HIP1: variants seen among roughly 807,000 people sequenced by gnomAD.
HIP1 encodes huntingtin-interacting protein 1.
A neutral mutation model predicts 147.6 loss-of-function variants in HIP1; 65 were observed. That is an observed-to-expected ratio of 0.44 (90% CI 0.36 to 0.54). HIP1 has a LOEUF of 0.54. Ranked by LOEUF, HIP1 falls within the 20% of genes least tolerant of loss-of-function variation. HIP1 has a pLI of 0.00. For synonymous variants in HIP1, 479 were observed against 504.0 expected (o/e 0.95, Z 0.67); for missense variants, 1,061 against 1,299.6 (o/e 0.82, Z 2.82).
chr7:75,556,313 C>CACACTGAT, intron 17 of HIP1, 144 bp from the exon 18 acceptor site: 1 of 1,048,348 alleles, frequency 9.5e-7, no homozygotes, highest in African/African-American at 1.6e-5. Flanking sequence ...CTCCCGGGGA[C>CACACTGAT]ACACTGATTG....
At chr7:75,597,580 A>G (rs1796793181) in intron 2 of HIP1, among the ~76,000 whole-genome samples, 1 of 151,962 alleles carries the variant, frequency 6.6e-6, no homozygotes. Context: ...TCTCTACTAA[A>G]AATACAAAAA....
intron 1 of HIP1, among the ~76,000 whole-genome samples, chr7:75,605,074 C>T (rs150609630): frequency 6.0e-4 from 92 of 152,202 alleles, no homozygotes; most frequent in Middle Eastern, 3.4e-3. Context: ...AGGGATAACT[C>T]GGCCCAGCTA....
At chr7:75,560,583 G>T (rs587626936) in intron 13 of HIP1, among the ~76,000 whole-genome samples, 64 of 152,236 alleles carry the variant, frequency 4.2e-4, no homozygotes, top group Admixed American at 8.5e-4. Flanking sequence ...ATGTGAGAAG[G>T]TCTGGTCTTG....
chr7:75,542,496 C>T (rs1036746029), intron 28 of HIP1, among the ~76,000 whole-genome samples: 3 of 150,944 alleles, frequency 2.0e-5, no homozygotes, highest in Non-Finnish European at 2.9e-5. Context: ...GTGAGGAGTT[C>T]GAGACCAGCT....
At chr7:75,602,381 G>A (rs1797028570) in intron 1 of HIP1, among the ~76,000 whole-genome samples, 1 of 146,978 alleles carries the variant, frequency 6.8e-6, no homozygotes, top group African/African-American at 2.5e-5. Flanking sequence ...AGGCTGGCGG[G>A]ACTTGAACAC....
chr7:75,590,025 G>A (rs372717713), intron 4 of HIP1, among the ~76,000 whole-genome samples: 30 of 152,138 alleles, frequency 2.0e-4, no homozygotes, highest in African/African-American at 7.2e-4. Flanking sequence ...GAGCCACTGC[G>A]CCTGGCCAAA....
At chr7:75,699,413 G>A (rs373800472) in intron 1 of HIP1, among the ~76,000 whole-genome samples, 1 of 151,794 alleles carries the variant, frequency 6.6e-6, no homozygotes, top group Non-Finnish European at 1.5e-5. Context: ...TTTTTCCATC[G>A]ATCTCCTGGG....
chr7:75,543,037 A>G (rs1794396539), intron 27 of HIP1, 63 bp from the exon 28 acceptor site: 1 of 1,522,428 alleles, frequency 6.6e-7, no homozygotes, highest in African/African-American at 1.4e-5. Context: ...TGAATCAGAT[A>G]ATTGCTCTGA....
intron 16 of HIP1, 130 bp from the exon 17 acceptor site, chr7:75,556,941 A>G (rs376498595): frequency 1.3e-4 from 76 of 578,246 alleles, no homozygotes; most frequent in African/African-American, 1.3e-3. Context: ...CACCCCCCCA[A>G]AAAAGTGCAG....
At chr7:75,699,218 T>C (rs1800737944) in intron 1 of HIP1, among the ~76,000 whole-genome samples, 1 of 152,100 alleles carries the variant, frequency 6.6e-6, no homozygotes, top group Non-Finnish European at 1.5e-5. Flanking sequence ...TAACTAGGAC[T>C]ATAGGCGCTC....
At chr7:75,651,460 CAAAAAAAAAAA>C (rs1168846001) in intron 1 of HIP1, among the ~76,000 whole-genome samples, 2 of 44,130 alleles carry the variant, frequency 4.5e-5, no homozygotes, top group Non-Finnish European at 4.9e-5. Context: ...CTCCATATCT[CAAAAAAAAAAA>C]AAAAAAAAAA....
intron 1 of HIP1, among the ~76,000 whole-genome samples, chr7:75,725,013 G>T (rs1055846113): frequency 6.6e-6 from 1 of 152,104 alleles, no homozygotes; most frequent in Non-Finnish European, 1.5e-5. Context: ...CTGACTCTGT[G>T]GGGGGAGTTC....
intron 1 of HIP1, among the ~76,000 whole-genome samples, chr7:75,702,725 C>T (rs1800874829): frequency 6.6e-6 from 1 of 152,174 alleles, no homozygotes; most frequent in Non-Finnish European, 1.5e-5. Flanking sequence ...AGGAAAGACA[C>T]TGCACTCCAG....
intron 8 of HIP1, among the ~76,000 whole-genome samples, chr7:75,570,656 T>C (rs1484239605): frequency 6.6e-6 from 1 of 152,118 alleles, no homozygotes; most frequent in Non-Finnish European, 1.5e-5. Flanking sequence ...ATACGAGAAC[T>C]CTCGGTACTA....
chr7:75,686,843 C>CTTTT (rs55942242), intron 1 of HIP1, among the ~76,000 whole-genome samples: 334 of 80,096 alleles, frequency 4.2e-3, no homozygotes, highest in Middle Eastern at 0.023. Flanking sequence ...TATTTTAGTT[C>CTTTT]TTTTTTTTTT....
At chr7:75,586,712 G>A (rs1554499696) in intron 5 of HIP1, 41 bp downstream of exon 5, 1 of 1,265,998 alleles carries the variant, frequency 7.9e-7, no homozygotes, top group East Asian at 2.3e-5. Flanking sequence ...GATGGAGCAG[G>A]GGAGGCGGCG....
At chr7:75,689,748 G>A (rs991419989) in intron 1 of HIP1, among the ~76,000 whole-genome samples, 2 of 152,110 alleles carry the variant, frequency 1.3e-5, no homozygotes, top group African/African-American at 2.4e-5. Context: ...GAGGTACTCC[G>A]ATACTTCTCC....
chr7:75,559,377 G>C lies in HIP1; in HGVS notation c.1375+355C>G, dbSNP rs77009341. 7.5e-4 allele frequency among the ~76,000 whole-genome samples: 114 copies of C among 152,180 alleles called. 1 individual carries two copies. The East Asian group carries it at 0.021, about 28-fold the overall frequency. On this transcript the variant is annotated intron_variant, in intron 14 of 30. Transcript: ENST00000336926. ...GCAGTCCTTCCATCCTGGCCTCCCA[G>C]AGTGCTAGGATTACAGGCATGTGCC...
chr7:75,738,301 G>A (rs1554523916), intron 1 of HIP1, among the ~76,000 whole-genome samples: 1 of 149,522 alleles, frequency 6.7e-6, no homozygotes, highest in Non-Finnish European at 1.5e-5. Context: ...CATCGAGAAA[G>A]GGGGATGCTA....
Sources: allele counts gnomAD v4.1 joint callset (sites outside exome capture counted in the v4.1 genomes callset), GRCh38; gene constraint gnomAD v4.1.1; transcripts MANE v1.5; gene names NCBI Gene and HGNC (gene_info 2026-07-23, HGNC 2026-07-21).